Variants in INPP4A observed in about 807,000 individuals in gnomAD.
INPP4A encodes inositol polyphosphate-4-phosphatase type I A, also known as inositol polyphosphate-4-phosphatase, type I, 107kD.
INPP4A carries 33 observed loss-of-function variants against 119.8 expected under a neutral mutation model. The ratio of observed to expected loss-of-function variants is 0.28; its 90% CI spans 0.21 to 0.37. The LOEUF is 0.37. Among genes scored for constraint, INPP4A ranks in the 10% least tolerant of loss-of-function variants. The pLI, the probability that INPP4A is intolerant of heterozygous loss-of-function variation, is 1.00. For missense variants in INPP4A, 956 were observed against 1,289.9 expected, an observed-to-expected ratio of 0.74 and a Z score of 3.97; for synonymous variants, 496 against 500.7, an observed-to-expected ratio of 0.99 and a Z score of 0.12.
intron 13 of INPP4A, among the ~76,000 whole-genome samples, chr2:98,552,062 G>T (rs1312357971): frequency 2.0e-5 from 3 of 152,164 alleles, no homozygotes; most frequent in African/African-American, 7.2e-5. Context: ...CACGCTGCTT[G>T]GTGGCGAAGA....
At chr2:98,532,844 A>G (rs111522447) in intron 4 of INPP4A, among the ~76,000 whole-genome samples, 5 of 152,268 alleles carry the variant, frequency 3.3e-5, no homozygotes, top group African/African-American at 9.6e-5. Flanking sequence ...TAAATGAACA[A>G]TGGCTCACTT....
intron 22 of INPP4A, chr2:98,568,913 C>A: frequency 2.3e-6 from 1 of 438,176 alleles, no homozygotes; most frequent in Non-Finnish European, 4.2e-6. Flanking sequence ...CCCATGCTGT[C>A]GTAGTCACTG....
chr2:98,550,161 C>T (rs1693241144), intron 13 of INPP4A, among the ~76,000 whole-genome samples: 1 of 152,056 alleles, frequency 6.6e-6, no homozygotes, highest in South Asian at 2.1e-4. Flanking sequence ...CTCTGAGGAC[C>T]CTCCATAGCC....
chr2:98,477,303 T>G (rs969721680), intron 1 of INPP4A, among the ~76,000 whole-genome samples: 4 of 152,260 alleles, frequency 2.6e-5, no homozygotes, highest in Non-Finnish European at 4.4e-5. Flanking sequence ...CTCCCTGAGC[T>G]GCCTGCTTCA....
intron 1 of INPP4A, among the ~76,000 whole-genome samples, chr2:98,448,353 C>CA (rs571844955): frequency 0.17 from 16,955 of 99,394 alleles, 1,467 homozygotes; most frequent in Non-Finnish European, 0.22. Context: ...GAGACTGTCT[C>CA]AAAAAAAAAA....
At chr2:98,472,401 A>T (rs966900924) in intron 1 of INPP4A, among the ~76,000 whole-genome samples, 1 of 152,190 alleles carries the variant, frequency 6.6e-6, no homozygotes, top group African/African-American at 2.4e-5. Context: ...GCTGCCCTGG[A>T]TGGAGATAGG....
chr2:98,482,751 A>G (rs932917208), intron 1 of INPP4A, among the ~76,000 whole-genome samples: 7 of 152,268 alleles, frequency 4.6e-5, no homozygotes, highest in African/African-American at 1.7e-4. Context: ...TTTAAGAGAA[A>G]TGCAAAGCTT....
chr2:98,554,592 T>A lies in INPP4A; in HGVS notation c.1566+103T>A. The A allele has an allele frequency of 1.0e-6, 1 of 978,796 alleles. No homozygotes were observed. The highest frequency in any genetic ancestry group is 1.5e-6 in the Non-Finnish European group (1 of 648,982). The allele number at this position is 978,796 out of a possible 1,614,324, so 60.6% of individuals were successfully genotyped here. On this transcript the variant is annotated intron_variant, in intron 15 of 24. Transcript: ENST00000409851. This position sits in a 1 kb window ranked among gnomAD's most constrained non-coding sequence, Gnocchi z 4.7. ...CCTCTGAAGTGCCTCAAGGTTCAAC[T>A]GCTGTGAACAAGCTCCAGGTTTCCT...
chr2:98,528,761 G>A (rs368080315), intron 4 of INPP4A, among the ~76,000 whole-genome samples: 1 of 152,294 alleles, frequency 6.6e-6, no homozygotes, highest in East Asian at 1.9e-4. Context: ...TATTCAAACT[G>A]CTGAAAGAAA....
intron 1 of INPP4A, among the ~76,000 whole-genome samples, chr2:98,491,324 G>A (rs1680717941): frequency 6.6e-6 from 1 of 152,196 alleles, no homozygotes; most frequent in Non-Finnish European, 1.5e-5. Context: ...TGGACGCAGC[G>A]CCACGTAGGG....
At chr2:98,579,735 A>T (rs1456406283) in intron 24 of INPP4A, among the ~76,000 whole-genome samples, 1 of 152,196 alleles carries the variant, frequency 6.6e-6, no homozygotes, top group Admixed American at 6.5e-5. Flanking sequence ...CATTCCCTCC[A>T]CCCTGCCCTC....
intron 24 of INPP4A, among the ~76,000 whole-genome samples, chr2:98,584,147 A>G (rs1343059626): frequency 2.0e-5 from 3 of 152,220 alleles, no homozygotes; most frequent in Non-Finnish European, 2.9e-5. Context: ...TGTCCTGTCC[A>G]GCCTGTGATT....
intron 4 of INPP4A, among the ~76,000 whole-genome samples, chr2:98,530,220 A>G (rs1171745846): frequency 2.6e-5 from 4 of 152,100 alleles, no homozygotes; most frequent in Non-Finnish European, 5.9e-5. Context: ...AAAAATCTGA[A>G]CTACCTGGTC....
At chr2:98,537,143 C>G (rs758589815) in intron 7 of INPP4A, among the ~76,000 whole-genome samples, 1 of 152,132 alleles carries the variant, frequency 6.6e-6, no homozygotes, top group African/African-American at 2.4e-5. Context: ...TTCACAGGCA[C>G]GAGGACAGGG....
At chr2:98,471,752 G>A (rs980508603) in intron 1 of INPP4A, among the ~76,000 whole-genome samples, 4 of 152,216 alleles carry the variant, frequency 2.6e-5, no homozygotes, top group Non-Finnish European at 5.9e-5. Flanking sequence ...TAAGTTTGCC[G>A]CAGCCCCCTA....
At chr2:98,483,166 G>T (rs1357251486) in intron 1 of INPP4A, among the ~76,000 whole-genome samples, 1 of 152,090 alleles carries the variant, frequency 6.6e-6, no homozygotes, top group Non-Finnish European at 1.5e-5. Context: ...ACAGTGAATC[G>T]CAACTCAGCT....
intron 1 of INPP4A, among the ~76,000 whole-genome samples, chr2:98,502,232 G>T (rs1290195009): frequency 2.0e-5 from 3 of 152,242 alleles, no homozygotes; most frequent in Non-Finnish European, 4.4e-5. Flanking sequence ...CCTGCCCACA[G>T]TGGCTCCACT....
At chr2:98,579,017 T>G (rs1698876145) in intron 24 of INPP4A, among the ~76,000 whole-genome samples, 1 of 152,182 alleles carries the variant, frequency 6.6e-6, no homozygotes, top group South Asian at 2.1e-4. Flanking sequence ...TTGTGAGCAT[T>G]TTTTAGGTTA....
chr2:98,572,413 T>G (rs372295289), intron 22 of INPP4A, among the ~76,000 whole-genome samples: 141 of 152,340 alleles, frequency 9.3e-4, no homozygotes, highest in African/African-American at 3.3e-3. Flanking sequence ...TTTCCAGGCC[T>G]GCTCAATGGC....
Sources: allele counts gnomAD v4.1 joint callset (sites outside exome capture counted in the v4.1 genomes callset), GRCh38; gene constraint gnomAD v4.1.1; non-coding constraint Gnocchi (gnomAD v3.1); transcripts MANE v1.5; gene names NCBI Gene and HGNC (gene_info 2026-07-23, HGNC 2026-07-21).